The following ACOT9 variants were observed in gnomAD, a reference collection of about 807,000 sequenced individuals.
ACOT9 encodes the protein acyl-CoA thioesterase 9, also known as acyl-coenzyme A thioesterase 9, mitochondrial.
Under a neutral mutation model 39.7 loss-of-function variants are expected in ACOT9, and 34 were observed. The ratio of observed to expected loss-of-function variants is 0.86; its 90% CI spans 0.65 to 1.14. ACOT9 has a LOEUF of 1.14. Among genes scored for constraint, ACOT9 ranks in the 50% most tolerant of loss-of-function variants. The probability of loss-of-function intolerance (pLI) is 0.00; values close to 1 mark genes in which losing one functional copy is unlikely to be tolerated. For missense variants in ACOT9, 313 were observed against 344.1 expected, an observed-to-expected ratio of 0.91 and a Z score of 0.71; for synonymous variants, 110 against 120.5, an observed-to-expected ratio of 0.91 and a Z score of 0.57.
chrX:23,705,465 T>A, intron 13 of ACOT9, 44 bp downstream of exon 13: 1 of 1,046,560 alleles, frequency 9.6e-7, no homozygotes. Flanking sequence ...TGGGGTGATA[T>A]AAATTGCTTC....
chrX:23,715,413 C>T (rs901455083), intron 8 of ACOT9, among the ~76,000 whole-genome samples: 10 of 111,612 alleles, frequency 9.0e-5, no homozygotes, highest in Non-Finnish European at 1.9e-4. Context: ...ATCTTTGCCT[C>T]CTTCATTCAG....
intron 1 of ACOT9, among the ~76,000 whole-genome samples, chrX:23,739,577 G>A (rs746620833): frequency 1.1e-4 from 12 of 111,414 alleles, no homozygotes; most frequent in Non-Finnish European, 2.1e-4. Context: ...AGGCCAACGC[G>A]GGAGGATCAC....
At chrX:23,734,780 G>T (rs1929874662) in intron 2 of ACOT9, among the ~76,000 whole-genome samples, 1 of 109,676 alleles carries the variant, frequency 9.1e-6, no homozygotes, top group Admixed American at 1.0e-4. Flanking sequence ...GAGGTCAGGA[G>T]TTCAAGACCA....
chrX:23,706,817 T>C, intron 10 of ACOT9, 78 bp from the exon 11 acceptor site: 1 of 560,824 alleles, frequency 1.8e-6, no homozygotes, highest in South Asian at 3.3e-5. Context: ...GGGATGCCTT[T>C]CAAAATCTCA....
chrX:23,704,320 G>A (rs367979240), intron 15 of ACOT9, among the ~76,000 whole-genome samples: 40 of 103,136 alleles, frequency 3.9e-4, no homozygotes, highest in African/African-American at 1.3e-3. Flanking sequence ...ACAGGTGCCC[G>A]CCACCGTGCC....
intron 8 of ACOT9, among the ~76,000 whole-genome samples, chrX:23,716,957 C>A (rs1475202525): frequency 9.0e-6 from 1 of 111,498 alleles, no homozygotes; most frequent in Non-Finnish European, 1.9e-5. Context: ...CAGGTTCAAG[C>A]GATTCTTCTG....
At chrX:23,741,388 C>T (rs1045627667) in intron 1 of ACOT9, among the ~76,000 whole-genome samples, 7 of 109,280 alleles carry the variant, frequency 6.4e-5, no homozygotes, top group Non-Finnish European at 1.9e-5. Flanking sequence ...GCCTCCATGG[C>T]CTACCTGGGG....
chrX:23,729,009 G>A (rs1038060325), intron 6 of ACOT9, among the ~76,000 whole-genome samples: 1 of 111,005 alleles, frequency 9.0e-6, no homozygotes, highest in Admixed American at 9.7e-5. Flanking sequence ...GAATTCCTGA[G>A]TCCATACTGA....
At chrX:23,705,308 T>C (rs1379620512) in intron 13 of ACOT9, among the ~76,000 whole-genome samples, 1 of 111,655 alleles carries the variant, frequency 9.0e-6, no homozygotes, top group Non-Finnish European at 1.9e-5. Context: ...ATTTTCTCAG[T>C]AGTTTTTTTA....
At chrX:23,727,709 A>T (rs889457927) in intron 6 of ACOT9, among the ~76,000 whole-genome samples, 1 of 109,519 alleles carries the variant, frequency 9.1e-6, no homozygotes, top group Admixed American at 9.8e-5. Context: ...CTATATTTTA[A>T]AAGTTAGGGC....
intron 8 of ACOT9, among the ~76,000 whole-genome samples, chrX:23,720,175 A>G (rs1929267316): frequency 8.9e-6 from 1 of 112,769 alleles, no homozygotes; most frequent in South Asian, 3.6e-4. Flanking sequence ...TCTTGGACAT[A>G]CACTGAATCA....
chrX:23,716,586 G>T (rs377083989), intron 8 of ACOT9, among the ~76,000 whole-genome samples: 1 of 112,137 alleles, frequency 8.9e-6, no homozygotes, highest in South Asian at 3.6e-4. Flanking sequence ...GGCCAGTGGT[G>T]AGCATTAAGA....
chrX:23,713,691 G>A (rs981671238), intron 8 of ACOT9, among the ~76,000 whole-genome samples: 8 of 110,666 alleles, frequency 7.2e-5, no homozygotes, highest in Non-Finnish European at 1.5e-4. Context: ...CAGAATGGCA[G>A]GATGACAAAG....
At position 23,736,135 on chromosome X, in the gene ACOT9, G is replaced by A. The variant is rs1456054184; in HGVS notation, c.21-119C>T. On this transcript the variant is annotated intron_variant, in intron 1 of 15. Coordinates refer to ENST00000379303, the MANE Select transcript of ACOT9 (RefSeq NM_001037171.2). ...ACCCTTAGTATATATTGTCTTGTAG[G>A]AGTCTGTAGCTGTTTCACAAGTATA... The A allele has an allele frequency of 6.6e-6, 3 of 457,599 alleles. No individual in the cohort carries two copies. The East Asian group carries it at 1.2e-4, about 18-fold the overall frequency. The allele number at this position is 457,599 out of a possible 1,213,427, so 37.7% of individuals were successfully genotyped here.
At chrX:23,733,576 T>C (rs1361478638) in intron 3 of ACOT9, among the ~76,000 whole-genome samples, 1 of 111,621 alleles carries the variant, frequency 9.0e-6, no homozygotes, top group Non-Finnish European at 1.9e-5. Flanking sequence ...TTCCCACCTA[T>C]CTTCTTTTTT....
Position 23,703,880 on chromosome X carries a change from C to T in ACOT9, c.*14G>A, listed in dbSNP as rs748354251. On this transcript the variant is annotated 3_prime_UTR_variant, in exon 16 of 16. Coordinates refer to ENST00000379303, the MANE Select transcript of ACOT9 (RefSeq NM_001037171.2). ...CTGTGGGTAGAGTGCTAGTTTTCAA[C>T]AAATGTGGTGTTCTTAGGGCTCCAC... 1 of 1,198,967 alleles carries T rather than the reference C, an allele frequency of 8.3e-7. No homozygotes were observed.
intron 8 of ACOT9, among the ~76,000 whole-genome samples, chrX:23,716,015 G>C (rs778715294): frequency 8.9e-6 from 1 of 112,128 alleles, no homozygotes; most frequent in Non-Finnish European, 1.9e-5. Flanking sequence ...TTGAGGAGTA[G>C]AGTCCGCAGT....
chrX:23,705,454 G>T, intron 13 of ACOT9, 55 bp downstream of exon 13: 1 of 974,772 alleles, frequency 1.0e-6, no homozygotes, highest in Non-Finnish European at 1.4e-6. Flanking sequence ...TTTCATTTCA[G>T]TGGGGTGATA....
rs764265019 is a variant in ACOT9, at chrX:23,730,840, T to C, written c.338A>G (p.Tyr113Cys). The C allele has an allele frequency of 4.1e-6, 5 of 1,208,012 alleles. No homozygotes were observed. Residue 113 changes from tyrosine (Y) to cysteine (C), a missense_variant, in exon 5 of 16, where the codon TAT (tyrosine) becomes TGT (cysteine). By Grantham distance (194) the Tyr-to-Cys change is radical (BLOSUM62 -2). Transcript: ENST00000379303. ...CCTTACGGTGTTTTGAACAGTCAAA[T>C]ATTTCTCTCGTAATTCAGGCTCACT... ...LGSEPELREK[Y>C]LTVQNTVRFG...
Sources: gnomAD v4.1 joint callset for allele counts (sites outside exome capture counted in the v4.1 genomes callset) on GRCh38, gnomAD v4.1.1 for gene constraint, MANE v1.5 for transcripts, NCBI Gene and HGNC (gene_info 2026-07-23, HGNC 2026-07-21) for gene names.